Variants in TPM4 observed in about 807,000 individuals in gnomAD.
TPM4 encodes the protein tropomyosin alpha-4 chain.
A neutral mutation model predicts 35.8 loss-of-function variants in TPM4; 17 were observed. The ratio of observed to expected loss-of-function variants is 0.47; its 90% CI spans 0.32 to 0.71. The LOEUF (loss-of-function observed/expected upper bound fraction) is 0.71, where lower values mean the gene tolerates loss of function less well. Among genes scored for constraint, TPM4 ranks in the 30% least tolerant of loss-of-function variants. The pLI, the probability that TPM4 is intolerant of heterozygous loss-of-function variation, is 0.03. For synonymous variants in TPM4, 120 were observed against 122.9 expected, an observed-to-expected ratio of 0.98 and a Z score of 0.15; for missense variants, 240 against 320.9, an observed-to-expected ratio of 0.75 and a Z score of 1.93.
chr19:16,097,010 G>A (rs2090708771), intron 7 of TPM4, among the ~76,000 whole-genome samples: 2 of 132,482 alleles, frequency 1.5e-5, no homozygotes, highest in Non-Finnish European at 3.1e-5. Context: ...CTGGAGTGCA[G>A]TGGCGCCATC....
At chr19:16,092,231 G>A (rs146749513) in intron 5 of TPM4, among the ~76,000 whole-genome samples, 77 of 152,092 alleles carry the variant, frequency 5.1e-4, no homozygotes, top group African/African-American at 1.8e-3. Flanking sequence ...ATCATGGGGA[G>A]GGGAACATTC....
chr19:16,078,162 C>T, intron 1 of TPM4: 1 of 398,578 alleles, frequency 2.5e-6, no homozygotes, highest in East Asian at 3.6e-5. Flanking sequence ...CTGCATTCCA[C>T]GGGTTTTCTG....
chr19:16,098,554 G>A (rs2090728120), intron 7 of TPM4, among the ~76,000 whole-genome samples: 1 of 152,180 alleles, frequency 6.6e-6, no homozygotes, highest in South Asian at 2.1e-4. Flanking sequence ...AACACTTTCA[G>A]GGAAAGTCAT....
intron 2 of TPM4, among the ~76,000 whole-genome samples, chr19:16,085,691 T>C (rs1296802913): frequency 1.3e-5 from 2 of 152,198 alleles, no homozygotes; most frequent in African/African-American, 4.8e-5. Flanking sequence ...TGCCTTAGTT[T>C]CTTCATTTGT....
chr19:16,080,601 A>G (rs994286874), intron 1 of TPM4, among the ~76,000 whole-genome samples: 7 of 152,222 alleles, frequency 4.6e-5, no homozygotes, highest in African/African-American at 1.7e-4. Context: ...ACGTGAGGCC[A>G]GGAGTTTGAG....
At chr19:16,094,459 C>G (rs1639047298) in intron 7 of TPM4, among the ~76,000 whole-genome samples, 1 of 151,628 alleles carries the variant, frequency 6.6e-6, no homozygotes, top group African/African-American at 2.4e-5. Context: ...TCCCTTGAAC[C>G]TGGGAGGCGG....
chr19:16,076,728 G>T, intron 1 of TPM4, 31 bp downstream of exon 1: 1 of 1,300,142 alleles, frequency 7.7e-7, no homozygotes, highest in South Asian at 2.1e-5. Context: ...CCCCGCACCC[G>T]CAGCCTCCTC....
chr19:16,074,053 T>TG (rs2090381668), upstream of TPM4, among the ~76,000 whole-genome samples: 3 of 136,494 alleles, frequency 2.2e-5, no homozygotes, highest in Non-Finnish European at 3.0e-5. Context: ...CACACACATA[T>TG]GGGGCACCTG....
chr19:16,097,481 C>G, intron 7 of TPM4, among the ~76,000 whole-genome samples: 1 of 151,990 alleles, frequency 6.6e-6, no homozygotes, highest in Admixed American at 6.6e-5. Flanking sequence ...ACCATGTTGG[C>G]CAGGCTGGTT....
At chr19:16,080,454 G>A (rs12981648) in intron 1 of TPM4, 2 of 195,392 alleles carry the variant, frequency 1.0e-5, no homozygotes, top group African/African-American at 4.6e-5. Flanking sequence ...TAACTAATCA[G>A]GCTTTGGGAT....
chr19:16,076,747 G>T (rs1187633357), intron 1 of TPM4, 50 bp downstream of exon 1: 2 of 1,283,068 alleles, frequency 1.6e-6, no homozygotes, highest in Non-Finnish European at 2.0e-6. Context: ...TCCCCCGCGC[G>T]CCCTCCTTTC....
At position 16,076,676 on chromosome 19, in the gene TPM4, C is replaced by A; in HGVS notation, c.111C>A (p.Gly37=). ...AGGGCCTGCAGCGGGAGCTGGACGG[C>A]GAGCGCGAGCGGCGCGAGAAAGTGA... ...RAQGLQRELD[G]ERERREKAEG... The change falls in exon 1 of 8, where the codon GGC becomes GGA. Residue 37 remains glycine, a synonymous_variant. Coordinates refer to ENST00000643579, the MANE Select transcript of TPM4 (RefSeq NM_003290.3). The A allele has an allele frequency of 7.3e-7, 1 of 1,375,750 alleles. No individual in the cohort carries two copies. Among genetic ancestry groups the A allele is most frequent in the Non-Finnish European group, 9.4e-7 (1 of 1,066,174 alleles). 85.2% of individuals were successfully genotyped at this position (1,375,750 alleles called of 1,614,324 possible).
upstream of TPM4, chr19:16,076,412 C>T (rs2090405779): frequency 1.5e-6 from 2 of 1,358,858 alleles, no homozygotes; most frequent in African/African-American, 3.1e-5. Context: ...ACCTCATCGC[C>T]CCGACGGCAG....
At chr19:16,076,873 T>G in intron 1 of TPM4, 176 bp downstream of exon 1, 1 of 1,196,370 alleles carries the variant, frequency 8.4e-7, no homozygotes, top group African/African-American at 1.6e-5. Flanking sequence ...CCCTACTTCC[T>G]CCGCCGTCCT....
intron 2 of TPM4, among the ~76,000 whole-genome samples, chr19:16,083,524 C>T (rs1175181766): frequency 1.3e-5 from 2 of 152,154 alleles, no homozygotes; most frequent in African/African-American, 4.8e-5. Context: ...GCCTTCTCCT[C>T]GGTAGCCAGA....
chr19:16,093,952 C>CTTTTTTTTTTTTTTTTT (rs35095689), intron 7 of TPM4, among the ~76,000 whole-genome samples, 199 bp downstream of exon 7: 1 of 108,792 alleles, frequency 9.2e-6, no homozygotes, highest in Non-Finnish European at 1.8e-5. Flanking sequence ...TTGAATGGCC[C>CTTTTTTTTTTTTTTTTT]TTTTTTTTTT....
chr19:16,076,475 T>TG, upstream of TPM4: 1 of 1,332,968 alleles, frequency 7.5e-7, no homozygotes, highest in Non-Finnish European at 9.5e-7. Context: ...GGCAAAGGCT[T>TG]GGGGGGCCGG....
At chr19:16,086,611 A>G (rs2303149) in intron 3 of TPM4, 71 bp downstream of exon 3, 632,209 of 1,312,038 alleles carry the variant, frequency 0.48, 155,859 homozygotes, top group East Asian at 0.73. Context: ...TAGGGAGGAC[A>G]CCGGGGCCAA....
intron 2 of TPM4, among the ~76,000 whole-genome samples, chr19:16,084,132 T>G (rs933328728): frequency 1.3e-5 from 2 of 152,186 alleles, no homozygotes; most frequent in Non-Finnish European, 2.9e-5. Context: ...TTTCACCGTG[T>G]TAGCCACGAT....
Sources: gnomAD v4.1 joint callset for allele counts (sites outside exome capture counted in the v4.1 genomes callset) on GRCh38, gnomAD v4.1.1 for gene constraint, MANE v1.5 for transcripts, NCBI Gene and HGNC (gene_info 2026-07-23, HGNC 2026-07-21) for gene names.